Variants in PTPRD observed in about 807,000 individuals in gnomAD.
The protein encoded by PTPRD is receptor-type tyrosine-protein phosphatase delta.
Under a neutral mutation model 214.5 loss-of-function variants are expected in PTPRD, and 34 were observed. The ratio of observed to expected loss-of-function variants is 0.16; its 90% CI spans 0.12 to 0.21. The LOEUF is 0.21. Among genes scored for constraint, PTPRD ranks in the 10% least tolerant of loss-of-function variants. The pLI is 1.00. For missense variants in PTPRD, 2,545 were observed against 2,398.7 expected, an observed-to-expected ratio of 1.06 and a Z score of -1.27; for synonymous variants, 1,128 against 845.7, an observed-to-expected ratio of 1.33 and a Z score of -5.79.
intron 6 of PTPRD, among the ~76,000 whole-genome samples, chr9:9,750,215 C>A (rs920650244): frequency 6.6e-6 from 1 of 151,980 alleles, no homozygotes; most frequent in African/African-American, 2.4e-5. Flanking sequence ...TAAATTTATT[C>A]TAGCAATTAT....
At chr9:9,688,131 A>T (rs1033547688) in intron 7 of PTPRD, among the ~76,000 whole-genome samples, 1 of 151,806 alleles carries the variant, frequency 6.6e-6, no homozygotes, top group African/African-American at 2.4e-5. Context: ...TTCCTCAACC[A>T]TGTGGAATTG....
In PTPRD at chr9:10,016,540, A is replaced by G. The variant is rs574318499; in HGVS notation, c.-472+17178T>C. Among the ~76,000 whole-genome samples the G allele has an allele frequency of 3.3e-5, 5 of 152,296 alleles. No individual in the cohort carries two copies. In the South Asian group the frequency reaches 6.2e-4, roughly 19 times the overall value. On this transcript the variant is annotated intron_variant, in intron 4 of 45. Transcript: ENST00000381196. ...GAATAGTCTCAAAGCATGTCTCTAT[A>G]GGGTACTTATTAATTATTAAAGGAA...
intron 9 of PTPRD, among the ~76,000 whole-genome samples, chr9:9,307,420 C>T (rs1957477556): frequency 6.6e-6 from 1 of 152,144 alleles, no homozygotes; most frequent in Admixed American, 6.6e-5. Flanking sequence ...ACCTCCATTC[C>T]TATGTCTTTT....
At chr9:9,208,383 T>G (rs2099946360) in intron 9 of PTPRD, among the ~76,000 whole-genome samples, 1 of 152,050 alleles carries the variant, frequency 6.6e-6, no homozygotes, top group South Asian at 2.1e-4. Flanking sequence ...AAGTTGTTTC[T>G]AAAGAGAGGT....
At chr9:9,230,824 T>A (rs1426356461) in intron 9 of PTPRD, among the ~76,000 whole-genome samples, 1 of 152,160 alleles carries the variant, frequency 6.6e-6, no homozygotes, top group Non-Finnish European at 1.5e-5. Flanking sequence ...AAGACTAACC[T>A]GAGAGATTTT....
At chr9:10,357,954 G>C (rs1394365559) in intron 2 of PTPRD, among the ~76,000 whole-genome samples, 1 of 152,048 alleles carries the variant, frequency 6.6e-6, no homozygotes, top group African/African-American at 2.4e-5. Flanking sequence ...AAGCAATATT[G>C]ACCAAATTGA....
At chr9:10,594,612 T>A (rs938802606) in intron 2 of PTPRD, among the ~76,000 whole-genome samples, 1 of 152,036 alleles carries the variant, frequency 6.6e-6, no homozygotes, top group African/African-American at 2.4e-5. Flanking sequence ...GCTGACAGAC[T>A]AATGAGAACG....
At chr9:8,416,774 G>A (rs983976433) in intron 35 of PTPRD, among the ~76,000 whole-genome samples, 1 of 151,910 alleles carries the variant, frequency 6.6e-6, no homozygotes, top group African/African-American at 2.4e-5. Flanking sequence ...AATGAGGGGT[G>A]GATTATCACT....
intron 3 of PTPRD, among the ~76,000 whole-genome samples, chr9:10,086,147 A>G (rs2098333629): frequency 6.6e-6 from 1 of 151,810 alleles, no homozygotes; most frequent in Admixed American, 6.6e-5. Flanking sequence ...AATGAGGGCT[A>G]AAAATGGGTG....
intron 14 of PTPRD, among the ~76,000 whole-genome samples, chr9:8,560,773 C>G (rs968047876): frequency 1.3e-5 from 2 of 152,126 alleles, no homozygotes; most frequent in Admixed American, 6.5e-5. Flanking sequence ...ATAAAATGTT[C>G]TTCACAACAG....
chr9:9,205,676 G>C (rs1174130533), intron 9 of PTPRD, among the ~76,000 whole-genome samples: 1 of 151,996 alleles, frequency 6.6e-6, no homozygotes, highest in African/African-American at 2.4e-5. Flanking sequence ...CTTATACTCA[G>C]ATATTTCTGT....
chr9:10,422,086 C>T (rs145261856), intron 2 of PTPRD, among the ~76,000 whole-genome samples: 28 of 152,112 alleles, frequency 1.8e-4, no homozygotes, highest in African/African-American at 6.3e-4. Context: ...GTAACCAAAA[C>T]AGCGTGGTAC....
chr9:10,523,682 A>C, intron 2 of PTPRD, among the ~76,000 whole-genome samples: 1 of 128,766 alleles, frequency 7.8e-6, no homozygotes, highest in African/African-American at 2.8e-5. Flanking sequence ...GAGAGAGAGA[A>C]AGCGGCTCTA....
At chr9:10,513,020 A>T (rs908779700) in intron 2 of PTPRD, among the ~76,000 whole-genome samples, 1 of 152,174 alleles carries the variant, frequency 6.6e-6, no homozygotes, top group African/African-American at 2.4e-5. Context: ...ACAGAATTGT[A>T]CTGATTTTTG....
At chr9:8,670,041 A>C (rs781702036) in intron 12 of PTPRD, among the ~76,000 whole-genome samples, 3 of 151,716 alleles carry the variant, frequency 2.0e-5, no homozygotes, top group Non-Finnish European at 4.4e-5. Flanking sequence ...TTAATTCATC[A>C]AGTAAGACAA....
At chr9:8,334,625 A>G (rs550230922) in intron 43 of PTPRD, among the ~76,000 whole-genome samples, 7 of 119,296 alleles carry the variant, frequency 5.9e-5, no homozygotes, top group Non-Finnish European at 1.1e-4. Flanking sequence ...TCACAATTGA[A>G]CTAGAGTAAC....
intron 39 of PTPRD, among the ~76,000 whole-genome samples, chr9:8,373,611 G>A (rs991563811): frequency 3.4e-5 from 3 of 88,782 alleles, no homozygotes; most frequent in African/African-American, 8.3e-5. Flanking sequence ...ACATGGATGC[G>A]GGTGTGTGTG....
rs543160386 is a variant in PTPRD at position 9,222,061 on chromosome 9, T to G, written c.-202-38698A>C. 2.6e-5 allele frequency among the ~76,000 whole-genome samples: 4 copies of G among 152,254 alleles called. No individual in the cohort carries two copies. In the South Asian group the frequency reaches 8.3e-4, roughly 32 times the overall value. ...TTTGTCCATTGTGTTGGAACCTTCT[T>G]CCACAACTAGAACTGCCAAATGTAT... On this transcript the variant is annotated intron_variant, in intron 9 of 45. Transcript: ENST00000381196.
intron 9 of PTPRD, among the ~76,000 whole-genome samples, chr9:9,229,242 T>C (rs1247747868): frequency 1.3e-5 from 2 of 152,098 alleles, no homozygotes; most frequent in African/African-American, 4.8e-5. Context: ...TTTACTTACA[T>C]TGGAAAAAGC....
Sources: allele counts gnomAD v4.1 joint callset (sites outside exome capture counted in the v4.1 genomes callset), GRCh38; gene constraint gnomAD v4.1.1; transcripts MANE v1.5; gene names NCBI Gene and HGNC (gene_info 2026-07-23, HGNC 2026-07-21).